The following BRIP1 variants were observed in gnomAD, a reference collection of about 807,000 sequenced individuals.
BRIP1 encodes BRCA1 interacting DNA helicase 1, also known as Fanconi anemia group J protein.
A neutral mutation model predicts 119.7 loss-of-function variants in BRIP1; 88 were observed. The observed-to-expected ratio is 0.74, with a 90% CI of 0.62 to 0.88. The LOEUF is 0.88. Ranked by LOEUF, BRIP1 falls within the 40% of genes least tolerant of loss-of-function variation. The pLI, the probability that BRIP1 is intolerant of heterozygous loss-of-function variation, is 0.00. For synonymous variants in BRIP1, 443 were observed against 496.5 expected, an observed-to-expected ratio of 0.89 and a Z score of 1.43; for missense variants, 1,259 against 1,455.4, an observed-to-expected ratio of 0.87 and a Z score of 2.20.
chr17:61,800,022 C>T (rs991711618), intron 8 of BRIP1, among the ~76,000 whole-genome samples: 3 of 152,078 alleles, frequency 2.0e-5, no homozygotes, highest in African/African-American at 4.8e-5. Flanking sequence ...ATGTGATCCA[C>T]GGTAGGCCAA....
At position 61,816,866 on chromosome 17, in the gene BRIP1, T is replaced by A. The variant is rs923151113; in HGVS notation, c.628-8109A>T. Among the ~76,000 whole-genome samples, 5 of 152,156 alleles carry A rather than the reference T, an allele frequency of 3.3e-5. No individual in the cohort carries two copies. In the East Asian group the frequency reaches 5.8e-4, roughly 18 times the overall value. ...AAGAATTGTAAATAAAATGATAGAA[T>A]TTTAAAAATCACCATTTTGCAACTT... On this transcript the variant is annotated intron_variant, in intron 6 of 19. Transcript: ENST00000259008. The surrounding 1 kb of genome is among the most constrained non-coding windows in gnomAD (Gnocchi z 5.0).
In BRIP1 at chr17:61,714,918, C is replaced by G. The variant is rs371591769; in HGVS notation, c.2492+1033G>C. On this transcript the variant is annotated intron_variant, in intron 17 of 19. Coordinates refer to ENST00000259008, the MANE Select transcript of BRIP1 (RefSeq NM_032043.3). ...CCAGGCTCAAGCGATCCTCCTACCTCAGCCTCCCGAGTAGCTCACATCTGT... is the reference window on the plus strand; with the variant it reads ...CCAGGCTCAAGCGATCCTCCTACCTGAGCCTCCCGAGTAGCTCACATCTGT... Among the ~76,000 whole-genome samples the G allele has an allele frequency of 4.6e-5, 7 of 151,512 alleles. No homozygotes were observed. In the South Asian group the frequency reaches 8.4e-4, roughly 18 times the overall value.
rs1312981471 is a variant in BRIP1 at position 61,754,035 on chromosome 17, C to G, written c.2098-9444G>C. Among the ~76,000 whole-genome samples the G allele has an allele frequency of 1.3e-5, 2 of 152,198 alleles. No individual in the cohort carries two copies. Among genetic ancestry groups the G allele is most frequent in the African/African-American group, 2.4e-5 (1 of 41,460 alleles). On this transcript the variant is annotated intron_variant, in intron 14 of 19. Transcript: ENST00000259008. This position sits in a 1 kb window ranked among gnomAD's most constrained non-coding sequence, Gnocchi z 4.1. ...CTACCACAGTGGTCCAAGCCACCAC[C>G]ATCTATCATCTAGATTACAGCAGAC...
Position 61,804,258 on chromosome 17 carries a change from T to C in BRIP1, c.919-2784A>G, listed in dbSNP as rs375084380. Among the ~76,000 whole-genome samples the C allele has an allele frequency of 6.6e-6, 1 of 152,302 alleles. No individual in the cohort carries two copies. The highest frequency in any genetic ancestry group is 1.9e-4 in the East Asian group (1 of 5,188). On this transcript the variant is annotated intron_variant, in intron 7 of 19. Coordinates refer to ENST00000259008, the MANE Select transcript of BRIP1 (RefSeq NM_032043.3). The surrounding 1 kb of genome is among the most constrained non-coding windows in gnomAD (Gnocchi z 4.5). ...ACTAAGTGGTAGAATAATGGGCCAC[T>C]TTTATTTTAATTAATTCTACTATTT... is the stretch of plus-strand genomic sequence containing the variant.
rs1193643875 is a variant in BRIP1 at position 61,703,913 on chromosome 17, T to TA, written c.2493-10402dup. 6.6e-6 allele frequency among the ~76,000 whole-genome samples: 1 copy of TA among 152,188 alleles called. No individual in the cohort carries two copies. The highest frequency in any genetic ancestry group is 1.5e-5 in the Non-Finnish European group (1 of 68,036). On this transcript the variant is annotated intron_variant, in intron 17 of 19. Transcript: ENST00000259008. The surrounding 1 kb of genome is among the most constrained non-coding windows in gnomAD (Gnocchi z 5.0). ...TTTGTTGCAATTGCTTTTGAGGACT[T>TA]AGTCACAAATTCTTTGCCAAATCTG...
In BRIP1 at chr17:61,755,660, C is replaced by G. The variant is rs2077191320; in HGVS notation, c.2098-11069G>C. ...GAAGGGTATGACTAAAAGACATGAGCAAACAGACTAGCTAGACTAGACTAG... is the reference window on the plus strand; with the variant it reads ...GAAGGGTATGACTAAAAGACATGAGGAAACAGACTAGCTAGACTAGACTAG... On this transcript the variant is annotated intron_variant, in intron 14 of 19. Transcript: ENST00000259008. The surrounding 1 kb of genome is among the most constrained non-coding windows in gnomAD (Gnocchi z 4.5). Among the ~76,000 whole-genome samples, 1 of 152,162 alleles carries G rather than the reference C, an allele frequency of 6.6e-6. No homozygotes were observed. The highest frequency in any genetic ancestry group is 2.4e-5 in the African/African-American group (1 of 41,446).
rs1189521604 is a variant in BRIP1, at chr17:61,848,454, C to G, written c.507+675G>C. Among the ~76,000 whole-genome samples, 1 of 152,120 alleles carries G rather than the reference C, an allele frequency of 6.6e-6. No individual in the cohort carries two copies. Among genetic ancestry groups the G allele is most frequent in the Non-Finnish European group, 1.5e-5 (1 of 68,018 alleles). On this transcript the variant is annotated intron_variant, in intron 5 of 19. Coordinates refer to ENST00000259008, the MANE Select transcript of BRIP1 (RefSeq NM_032043.3). The surrounding 1 kb of genome is among the most constrained non-coding windows in gnomAD (Gnocchi z 4.3). ...CTCAAACTGCTGGACTCAAGAGATC[C>G]TCCCACCTCAGCCTCCCAGAGTGCT...
intron 10 of BRIP1, among the ~76,000 whole-genome samples, chr17:61,786,046 T>A (rs1003754964): frequency 3.9e-5 from 6 of 152,096 alleles, no homozygotes; most frequent in African/African-American, 1.4e-4. Context: ...GCTACATGCA[T>A]TACTATCATG....
At position 61,846,131 on chromosome 17, in the gene BRIP1, G is replaced by GAGATCA. The variant is rs1369466213; in HGVS notation, c.627+964_627+969dup. 1.1e-4 allele frequency among the ~76,000 whole-genome samples: 17 copies of GAGATCA among 151,864 alleles called. No individual in the cohort carries two copies. The South Asian group carries it at 2.5e-3, about 22-fold the overall frequency. ...CAGGAGGCGGAGCTTGCAGTGGGCGGAGATCACGCCACCGCACTTCCAGCC... is the reference window on the plus strand; with the variant it reads ...CAGGAGGCGGAGCTTGCAGTGGGCGGAGATCAAGATCACGCCACCGCACTTCCAGCC... On this transcript the variant is annotated intron_variant, in intron 6 of 19. Coordinates refer to ENST00000259008, the MANE Select transcript of BRIP1 (RefSeq NM_032043.3). This position sits in a 1 kb window ranked among gnomAD's most constrained non-coding sequence, Gnocchi z 4.3.
At position 61,815,472 on chromosome 17, in the gene BRIP1, T is replaced by C. The variant is rs1012718427; in HGVS notation, c.628-6715A>G. 6.6e-6 allele frequency among the ~76,000 whole-genome samples: 1 copy of C among 152,192 alleles called. No individual in the cohort carries two copies. ...CCAAATTAGCCAGACATAGTTATTC[T>C]GTAAAGGAATAAACAACAGCCAAGA... On this transcript the variant is annotated intron_variant, in intron 6 of 19. Coordinates refer to ENST00000259008, the MANE Select transcript of BRIP1 (RefSeq NM_032043.3). The surrounding 1 kb of genome is among the most constrained non-coding windows in gnomAD (Gnocchi z 4.1).
At position 61,717,527 on chromosome 17, in the gene BRIP1, T is replaced by G. The variant is rs2061898673; in HGVS notation, c.2380-1464A>C. Among the ~76,000 whole-genome samples the G allele has an allele frequency of 1.3e-5, 2 of 152,154 alleles. No individual in the cohort carries two copies. Among genetic ancestry groups the G allele is most frequent in the African/African-American group, 4.8e-5 (2 of 41,454 alleles). ...CAAGAATTCTAAATTGACAGGTTTT[T>G]TCTTTTGTTAAAGACGGCTTTTCAT... On this transcript the variant is annotated intron_variant, in intron 16 of 19. Coordinates refer to ENST00000259008, the MANE Select transcript of BRIP1 (RefSeq NM_032043.3). This position sits in a 1 kb window ranked among gnomAD's most constrained non-coding sequence, Gnocchi z 4.1.
chr17:61,830,358 A>G (rs2078475467), intron 6 of BRIP1, among the ~76,000 whole-genome samples: 2 of 151,904 alleles, frequency 1.3e-5, no homozygotes, highest in African/African-American at 4.8e-5. Context: ...AAAGTCAACA[A>G]AAACTTTTTA....
Position 61,842,175 on chromosome 17 carries a change from T to G in BRIP1, c.627+4926A>C, listed in dbSNP as rs539535949. On this transcript the variant is annotated intron_variant, in intron 6 of 19. Transcript: ENST00000259008. This position sits in a 1 kb window ranked among gnomAD's most constrained non-coding sequence, Gnocchi z 5.1. The stretch of plus-strand genomic sequence containing the variant: ...CCTGGAAGATATTAAGTGAAATAAG[T>G]CAGGCATAGGCAGGTAAGTACTGTA... 6.6e-6 allele frequency among the ~76,000 whole-genome samples: 1 copy of G among 152,036 alleles called. No homozygotes were observed. Among genetic ancestry groups the G allele is most frequent in the Non-Finnish European group, 1.5e-5 (1 of 68,018 alleles).
chr17:61,838,206 G>A (rs2078603025), intron 6 of BRIP1, among the ~76,000 whole-genome samples: 1 of 151,976 alleles, frequency 6.6e-6, no homozygotes. Flanking sequence ...GTACTCCCTA[G>A]TATCATATAA....
chr17:61,696,851 G>C (rs186259011), intron 17 of BRIP1, among the ~76,000 whole-genome samples: 1 of 151,410 alleles, frequency 6.6e-6, no homozygotes, highest in Non-Finnish European at 1.5e-5. Context: ...CGGGTGTGGT[G>C]GCGGGCACCT....
At chr17:61,777,718 C>G (rs898892824) in intron 13 of BRIP1, among the ~76,000 whole-genome samples, 7 of 151,984 alleles carry the variant, frequency 4.6e-5, no homozygotes, top group African/African-American at 1.7e-4. Flanking sequence ...GCACATCACC[C>G]TCCAAGTGTT....
In BRIP1 at chr17:61,823,237, G is replaced by A. The variant is rs960504947; in HGVS notation, c.628-14480C>T. 6.6e-6 allele frequency among the ~76,000 whole-genome samples: 1 copy of A among 152,146 alleles called. No homozygotes were observed. Among genetic ancestry groups the A allele is most frequent in the Non-Finnish European group, 1.5e-5 (1 of 68,010 alleles). ...GTTTTCCAAAAGGCCAACATTTAAA[G>A]AAACAATAAATGTCCTTAAAAATAT... On this transcript the variant is annotated intron_variant, in intron 6 of 19. Coordinates refer to ENST00000259008, the MANE Select transcript of BRIP1 (RefSeq NM_032043.3). The surrounding 1 kb of genome is among the most constrained non-coding windows in gnomAD (Gnocchi z 4.8).
chr17:61,713,041 T>A lies in BRIP1; in HGVS notation c.2492+2910A>T, dbSNP rs1373194865. ...TTTCAGTCAGTGTGAAGTGCATATA[T>A]GATAGTGGTCCCATAAGATTATAAT... On this transcript the variant is annotated intron_variant, in intron 17 of 19. Coordinates refer to ENST00000259008, the MANE Select transcript of BRIP1 (RefSeq NM_032043.3). This position sits in a 1 kb window ranked among gnomAD's most constrained non-coding sequence, Gnocchi z 4.9. Among the ~76,000 whole-genome samples the A allele has an allele frequency of 1.3e-5, 2 of 152,208 alleles. No homozygotes were observed. The highest frequency in any genetic ancestry group is 4.8e-5 in the African/African-American group (2 of 41,444).
chr17:61,800,681 A>G (rs2077976313), intron 8 of BRIP1, among the ~76,000 whole-genome samples: 1 of 152,210 alleles, frequency 6.6e-6, no homozygotes, highest in South Asian at 2.1e-4. Context: ...AGATAACCAA[A>G]TAAGAGGTAG....
Sources: allele counts gnomAD v4.1 joint callset (sites outside exome capture counted in the v4.1 genomes callset), GRCh38; gene constraint gnomAD v4.1.1; non-coding constraint Gnocchi (gnomAD v3.1); transcripts MANE v1.5; gene names NCBI Gene and HGNC (gene_info 2026-07-23, HGNC 2026-07-21).